Variants in ARHGEF38 observed in about 807,000 individuals in gnomAD.
ARHGEF38 encodes the protein Rho guanine nucleotide exchange factor (GEF) 38.
Under a neutral mutation model 79.9 loss-of-function variants are expected in ARHGEF38, and 79 were observed. The ratio of observed to expected loss-of-function variants is 0.99; its 90% CI spans 0.82 to 1.19. The LOEUF (loss-of-function observed/expected upper bound fraction) is 1.19, where lower values mean the gene tolerates loss of function less well. ARHGEF38 is among the 50% of genes most tolerant of loss of function. The pLI, the probability that ARHGEF38 is intolerant of heterozygous loss-of-function variation, is 0.00. For synonymous variants in ARHGEF38, 366 were observed against 328.3 expected, an observed-to-expected ratio of 1.11 and a Z score of -1.24; for missense variants, 962 against 907.2, an observed-to-expected ratio of 1.06 and a Z score of -0.78.
intron 11 of ARHGEF38, 120 bp downstream of exon 11, chr4:105,666,440 T>A: frequency 8.7e-7 from 1 of 1,147,072 alleles, no homozygotes; most frequent in Non-Finnish European, 1.2e-6. Context: ...TTTACATATG[T>A]GTAGAATTTC....
chr4:105,554,418 T>G (rs1424421914), intron 1 of ARHGEF38, among the ~76,000 whole-genome samples: 1 of 152,166 alleles, frequency 6.6e-6, no homozygotes, highest in African/African-American at 2.4e-5. Flanking sequence ...CATGTATGTC[T>G]AATGTTTAGC....
At chr4:105,619,552 GACTA>G (rs1341337136) in intron 3 of ARHGEF38, among the ~76,000 whole-genome samples, 1 of 152,030 alleles carries the variant, frequency 6.6e-6, no homozygotes, top group African/African-American at 2.4e-5. Flanking sequence ...ACAGGTGAGA[GACTA>G]ACTTATTTCA....
intron 1 of ARHGEF38, among the ~76,000 whole-genome samples, chr4:105,574,146 T>C (rs1000639660): frequency 6.6e-6 from 1 of 152,210 alleles, no homozygotes; most frequent in Non-Finnish European, 1.5e-5. Context: ...TGAGATCATA[T>C]AATTTTAGAA....
intron 1 of ARHGEF38, among the ~76,000 whole-genome samples, chr4:105,570,666 C>T (rs1726179146): frequency 6.6e-6 from 1 of 152,130 alleles, no homozygotes; most frequent in African/African-American, 2.4e-5. Context: ...TCCTTGTAAC[C>T]ATCCTTATGA....
chr4:105,561,619 C>T (rs1159881460), intron 1 of ARHGEF38: 1 of 152,042 alleles, frequency 6.6e-6, no homozygotes, highest in Non-Finnish European at 1.5e-5. Context: ...GGGAGTCCCT[C>T]CCTGACCATC....
At chr4:105,650,754 G>A (rs1730066140) in intron 7 of ARHGEF38, among the ~76,000 whole-genome samples, 2 of 152,166 alleles carry the variant, frequency 1.3e-5, no homozygotes, top group South Asian at 4.1e-4. Flanking sequence ...TAGAACACAA[G>A]GCTTGAATTA....
intron 11 of ARHGEF38, among the ~76,000 whole-genome samples, chr4:105,666,711 G>A (rs1056368047): frequency 1.3e-5 from 2 of 152,152 alleles, no homozygotes; most frequent in Non-Finnish European, 1.5e-5. Context: ...GAGCTGAGGG[G>A]GGGAGTATAA....
intron 3 of ARHGEF38, among the ~76,000 whole-genome samples, chr4:105,614,457 A>G (rs1728435766): frequency 6.6e-6 from 1 of 152,154 alleles, no homozygotes; most frequent in Non-Finnish European, 1.5e-5. Context: ...TTTACTGATT[A>G]TGTCTTTGTT....
chr4:105,631,837 A>G (rs1729205834), intron 4 of ARHGEF38, among the ~76,000 whole-genome samples: 2 of 152,228 alleles, frequency 1.3e-5, no homozygotes, highest in Non-Finnish European at 2.9e-5. Context: ...AATCACTACC[A>G]TACTCCACAT....
chr4:105,666,247 G>C lies in ARHGEF38; in HGVS notation c.1616G>C (p.Cys539Ser). Residue 539 changes from cysteine to serine, a missense_variant, in exon 11 of 14, where the codon TGT becomes TCT. Cys to Ser is a moderately radical substitution (Grantham distance 112). Transcript: ENST00000420470. ...CTAGAAGAGATCCAAAATTTGAATT[G>C]TGTGAAAGAAAACAGTGCCACCTTT... is the stretch of plus-strand genomic sequence containing the variant. The part of the protein sequence containing the change: ...QVLEEIQNLN[C>S]VKENSATFIE... The C allele has an allele frequency of 6.5e-7, 1 of 1,535,488 alleles. No homozygotes were observed. Among genetic ancestry groups the C allele is most frequent in the Non-Finnish European group, 8.7e-7 (1 of 1,146,592 alleles).
At chr4:105,590,230 G>A (rs774479527) in intron 2 of ARHGEF38, among the ~76,000 whole-genome samples, 28 of 152,156 alleles carry the variant, frequency 1.8e-4, no homozygotes, top group Middle Eastern at 3.2e-3. Flanking sequence ...GACTTTTCCA[G>A]TGGAGGACAT....
intron 1 of ARHGEF38, among the ~76,000 whole-genome samples, chr4:105,553,473 TA>T (rs1386048037): frequency 6.6e-6 from 1 of 152,202 alleles, no homozygotes; most frequent in African/African-American, 2.4e-5. Flanking sequence ...AGAGACGGTA[TA>T]AAAAGATTTG....
At chr4:105,647,128 ATTC>A (rs1213460632) in intron 6 of ARHGEF38, among the ~76,000 whole-genome samples, 5 of 152,174 alleles carry the variant, frequency 3.3e-5, no homozygotes, top group African/African-American at 9.6e-5. Flanking sequence ...CTGTTACATT[ATTC>A]TTTATATTTT....
At chr4:105,667,755 T>C in intron 13 of ARHGEF38, 52 bp downstream of exon 13, 1 of 1,525,222 alleles carries the variant, frequency 6.6e-7, no homozygotes, top group East Asian at 2.4e-5. Flanking sequence ...AAAGAGTATC[T>C]CTCTACTGTA....
intron 7 of ARHGEF38, among the ~76,000 whole-genome samples, chr4:105,652,755 C>T (rs1307801922): frequency 6.6e-6 from 1 of 152,114 alleles, no homozygotes; most frequent in Non-Finnish European, 1.5e-5. Context: ...TATTGTTATA[C>T]ACACTAGACT....
chr4:105,659,001 C>G (rs985331891), intron 9 of ARHGEF38, 53 bp from the exon 10 acceptor site: 2 of 1,435,028 alleles, frequency 1.4e-6, no homozygotes, highest in Admixed American at 2.4e-5. Flanking sequence ...CAGAACTGGA[C>G]AAGGTATGGG....
intron 11 of ARHGEF38, among the ~76,000 whole-genome samples, chr4:105,666,696 G>T (rs1284935360): frequency 6.6e-6 from 1 of 152,124 alleles, no homozygotes; most frequent in Non-Finnish European, 1.5e-5. Context: ...AGTCTCTTAG[G>T]GCCCGAGCTG....
Position 105,679,329 on chromosome 4 carries a change from G to T in ARHGEF38, c.*1392G>T. The T allele has an allele frequency of 1.1e-6, 1 of 907,010 alleles. No individual in the cohort carries two copies. The highest frequency in any genetic ancestry group is 1.8e-6 in the Non-Finnish European group (1 of 551,180). 56.2% of individuals were successfully genotyped at this position (907,010 alleles called of 1,614,324 possible). A position where few individuals can be genotyped will look rare whatever the true frequency, so the allele number is the denominator to read the frequency against. On this transcript the variant is annotated 3_prime_UTR_variant, in exon 14 of 14. Transcript: ENST00000420470. The stretch of plus-strand genomic sequence containing the variant: ...GCCTGTAACCTTTGACTCAATTGGA[G>T]GAATATCAAAGCAAACACCCATATT...
chr4:105,668,331 G>A (rs757646671), intron 13 of ARHGEF38, among the ~76,000 whole-genome samples: 1 of 151,898 alleles, frequency 6.6e-6, no homozygotes, highest in South Asian at 2.1e-4. Context: ...ACAGGTACAC[G>A]TCACCACGCC....
Sources: allele counts gnomAD v4.1 joint callset (sites outside exome capture counted in the v4.1 genomes callset), GRCh38; gene constraint gnomAD v4.1.1; transcripts MANE v1.5; gene names NCBI Gene and HGNC (gene_info 2026-07-23, HGNC 2026-07-21).